The following KIAA2012 variants were observed in gnomAD, a reference collection of about 807,000 sequenced individuals.
KIAA2012 encodes KIAA2012, also known as uncharacterized protein KIAA2012.
A neutral mutation model predicts 150.6 loss-of-function variants in KIAA2012; 125 were observed. The ratio of observed to expected loss-of-function variants is 0.83; its 90% CI spans 0.72 to 0.96. KIAA2012 has a LOEUF of 0.96. KIAA2012 is among the 40% of genes least tolerant of loss of function. The pLI is 0.00. For synonymous variants in KIAA2012, 462 were observed against 504.7 expected (o/e 0.92, Z 1.13); for missense variants, 1,219 against 1,354.9 (o/e 0.90, Z 1.57).
At chr2:202,079,539 A>G (rs1170668972) in intron 2 of KIAA2012, among the ~76,000 whole-genome samples, 2 of 152,158 alleles carry the variant, frequency 1.3e-5, no homozygotes, top group Non-Finnish European at 2.9e-5. Flanking sequence ...AACTCCCTGG[A>G]TCTGACAGCA....
At chr2:202,171,112 T>TACACACACACACACACACAC (rs10532176) in intron 15 of KIAA2012, among the ~76,000 whole-genome samples, 9 of 149,832 alleles carry the variant, frequency 6.0e-5, no homozygotes, top group African/African-American at 2.0e-4. Flanking sequence ...AAAGAAATAC[T>TACACACACACACACACACAC]ACACACACAC....
rs554853457 is a variant in KIAA2012 at position 202,093,183 on chromosome 2, A to G, written c.683A>G (p.Gln228Arg). 195 of 1,551,000 alleles carry G rather than the reference A, an allele frequency of 1.3e-4. 1 individual carries two copies. In the South Asian group the frequency reaches 2.1e-3, roughly 17 times the overall value. ...FWIQQGKSFE[Q>R]RQQGLDEGEA... ...ATTCAACAAGGAAAATCTTTTGAAC[A>G]ACGTACGTGTTGATTTACATGTTGA... The change falls in exon 4 of 24, where the codon CAA becomes CGA. Residue 228 changes from glutamine to arginine, a missense_variant and splice_region_variant. Transcript: ENST00000498697.
chr2:202,126,032 G>GCAACCT lies in KIAA2012; in HGVS notation c.1831+752_1831+757dup, dbSNP rs1354427782. 9.7e-5 allele frequency: 28 copies of GCAACCT among 289,830 alleles called. No individual in the cohort carries two copies. In the Admixed American group the frequency reaches 1.7e-3, roughly 18 times the overall value. The allele number at this position is 289,830 out of a possible 1,614,324, so 18.0% of individuals were successfully genotyped here. ...TGCAATGGCAAGGTCTTGACTCACT[G>GCAACCT]CAACCTCTGACTCCCGGGTTCAAGC... is the stretch of plus-strand genomic sequence containing the variant. On this transcript the variant is annotated intron_variant, in intron 12 of 23. Coordinates refer to ENST00000498697, the MANE Select transcript of KIAA2012 (RefSeq NM_001277372.4).
At chr2:202,121,278 A>G (rs1417307625) in intron 11 of KIAA2012, among the ~76,000 whole-genome samples, 1 of 151,844 alleles carries the variant, frequency 6.6e-6, no homozygotes, top group African/African-American at 2.4e-5. Context: ...ATAAATGTTT[A>G]TCTTTTTGCG....
At chr2:202,175,078 A>C (rs1691963437) in intron 15 of KIAA2012, among the ~76,000 whole-genome samples, 1 of 152,194 alleles carries the variant, frequency 6.6e-6, no homozygotes, top group Non-Finnish European at 1.5e-5. Flanking sequence ...ATCTCATTGA[A>C]TTTATAAGTT....
At position 202,105,763 on chromosome 2, in the gene KIAA2012, G is replaced by T. The variant is rs1471211179; in HGVS notation, c.1327G>T (p.Ala443Ser). ...TCAGCCTCCTCTTTGTCTCCTAGGT[G>T]CTCCACACCCTGAGTCAGAACCAGA... The part of the protein sequence containing the change: ...PPKEKAHRRG[A>S]PHPESEPESS... Residue 443 changes from alanine to serine, a missense_variant and splice_region_variant, in exon 9 of 24, where the codon GCT (alanine) becomes TCT (serine). Transcript: ENST00000498697. The T allele has an allele frequency of 2.6e-6, 4 of 1,550,218 alleles. No homozygotes were observed. The highest frequency in any genetic ancestry group is 1.2e-5 in the South Asian group (1 of 84,020).
At chr2:202,136,043 G>A (rs1450740247) in intron 12 of KIAA2012, 5 of 396,190 alleles carry the variant, frequency 1.3e-5, no homozygotes, top group Non-Finnish European at 2.0e-5. Context: ...TGTTGTGTCC[G>A]GAAATGGTGG....
At chr2:202,119,675 A>T (rs1394940623) in intron 11 of KIAA2012, among the ~76,000 whole-genome samples, 2 of 152,130 alleles carry the variant, frequency 1.3e-5, no homozygotes, top group African/African-American at 4.8e-5. Context: ...GGGGTGGGGG[A>T]CTATGCAGGG....
At chr2:202,191,732 C>CA (rs1329822350) in intron 19 of KIAA2012, among the ~76,000 whole-genome samples, 1 of 152,106 alleles carries the variant, frequency 6.6e-6, no homozygotes, top group African/African-American at 2.4e-5. Context: ...ACATCTTATA[C>CA]AAAAAAATTA....
chr2:202,156,087 A>G lies in KIAA2012; in HGVS notation c.2046+1277A>G, dbSNP rs139013861. Among the ~76,000 whole-genome samples the G allele has an allele frequency of 1.4e-3, 220 of 152,274 alleles. 1 individual carries two copies. Among genetic ancestry groups the G allele is most frequent in the African/African-American group, 4.9e-3 (202 of 41,580 alleles). ...CTATAAGAAGGAATTTCAGCTACTC[A>G]GGAGATTGAGGTGGGAGGATCGCTT... On this transcript the variant is annotated intron_variant, in intron 14 of 23. Coordinates refer to ENST00000498697, the MANE Select transcript of KIAA2012 (RefSeq NM_001277372.4).
intron 2 of KIAA2012, among the ~76,000 whole-genome samples, chr2:202,088,481 G>A (rs974182406): frequency 1.3e-5 from 2 of 152,206 alleles, no homozygotes; most frequent in East Asian, 1.9e-4. Flanking sequence ...AAGATCTCAA[G>A]ATCAATTCCA....
At chr2:202,127,042 A>C (rs1417603138) in intron 12 of KIAA2012, among the ~76,000 whole-genome samples, 2 of 151,916 alleles carry the variant, frequency 1.3e-5, no homozygotes, top group Admixed American at 6.6e-5. Context: ...AGCATCAGAC[A>C]CCCTTTTGTG....
At chr2:202,182,773 A>G (rs2105739904) in intron 15 of KIAA2012, among the ~76,000 whole-genome samples, 1 of 152,302 alleles carries the variant, frequency 6.6e-6, no homozygotes, top group East Asian at 1.9e-4. Context: ...GTACCATTTT[A>G]CATTCCAAAC....
chr2:202,128,714 C>CT (rs68128318), intron 12 of KIAA2012, among the ~76,000 whole-genome samples: 3,434 of 137,346 alleles, frequency 0.025, 136 homozygotes, highest in African/African-American at 0.081. Flanking sequence ...TGAAACAGGC[C>CT]TTTTTTTTTT....
At chr2:202,097,149 T>G (rs1287027783) in intron 4 of KIAA2012, among the ~76,000 whole-genome samples, 1 of 152,168 alleles carries the variant, frequency 6.6e-6, no homozygotes, top group Non-Finnish European at 1.5e-5. Context: ...TACAAGGAAG[T>G]GAGGGCAAGA....
intron 14 of KIAA2012, among the ~76,000 whole-genome samples, chr2:202,158,290 G>A (rs1043069060): frequency 2.0e-5 from 3 of 149,358 alleles, no homozygotes; most frequent in South Asian, 2.1e-4. Context: ...CACCGTGCCC[G>A]GCCCCCTCAG....
intron 15 of KIAA2012, among the ~76,000 whole-genome samples, chr2:202,176,206 T>C (rs1181454077): frequency 1.3e-5 from 2 of 150,736 alleles, no homozygotes; most frequent in African/African-American, 4.9e-5. Flanking sequence ...GATAAATCTT[T>C]TTTTTTTTTT....
At chr2:202,142,530 T>G (rs114634431) in intron 13 of KIAA2012, among the ~76,000 whole-genome samples, 13,823 of 152,252 alleles carry the variant, frequency 0.091, 857 homozygotes, top group South Asian at 0.24. Context: ...GCCGCATGAC[T>G]CCTAAACCAT....
At chr2:202,086,227 C>G (rs544247479) in intron 2 of KIAA2012, among the ~76,000 whole-genome samples, 7 of 150,822 alleles carry the variant, frequency 4.6e-5, no homozygotes, top group African/African-American at 1.7e-4. Flanking sequence ...TAATGAGAAC[C>G]TGCAAGGGTT....
Sources: gnomAD v4.1 joint callset for allele counts (sites outside exome capture counted in the v4.1 genomes callset) on GRCh38, gnomAD v4.1.1 for gene constraint, MANE v1.5 for transcripts, NCBI Gene and HGNC (gene_info 2026-07-23, HGNC 2026-07-21) for gene names.